Variants in FAM117B observed in about 807,000 individuals in gnomAD.
FAM117B encodes the protein family with sequence similarity 117 member B, also known as protein FAM117B.
FAM117B carries 22 observed loss-of-function variants against 52.8 expected under a neutral mutation model. That is an observed-to-expected ratio of 0.42 (90% CI 0.30 to 0.59). The LOEUF (loss-of-function observed/expected upper bound fraction) is 0.59. FAM117B is among the 20% of genes least tolerant of loss of function. The pLI is 0.22. For missense variants in FAM117B, 678 were observed against 802.6 expected (o/e 0.84, Z 1.88); for synonymous variants, 309 against 324.1 (o/e 0.95, Z 0.50).
chr2:202,738,939 A>G (rs1407491626), intron 4 of FAM117B, among the ~76,000 whole-genome samples: 2 of 152,226 alleles, frequency 1.3e-5, no homozygotes, highest in Non-Finnish European at 2.9e-5. Flanking sequence ...CTGTAATCCC[A>G]GCACTTCGGT....
At chr2:202,668,599 T>A (rs1191869120) in intron 1 of FAM117B, among the ~76,000 whole-genome samples, 1 of 146,310 alleles carries the variant, frequency 6.8e-6, no homozygotes, top group African/African-American at 2.5e-5. Flanking sequence ...TAGCCTGGGC[T>A]ACAGAGTGAG....
chr2:202,638,289 T>G (rs771238337), intron 1 of FAM117B, among the ~76,000 whole-genome samples: 10 of 152,148 alleles, frequency 6.6e-5, no homozygotes, highest in Non-Finnish European at 1.3e-4. Context: ...AAGTGGGCAG[T>G]AGAGGTGGCA....
chr2:202,718,652 T>A (rs1210600639), intron 2 of FAM117B, among the ~76,000 whole-genome samples: 1 of 152,230 alleles, frequency 6.6e-6, no homozygotes, highest in Non-Finnish European at 1.5e-5. Context: ...AAGGAGTAAC[T>A]AATACATTTT....
intron 1 of FAM117B, among the ~76,000 whole-genome samples, chr2:202,684,734 A>G (rs765194183): frequency 2.6e-5 from 4 of 152,168 alleles, no homozygotes; most frequent in Non-Finnish European, 4.4e-5. Context: ...AGTAATATAT[A>G]TTAAATAAGA....
chr2:202,693,672 A>G (rs1690666835), intron 1 of FAM117B, among the ~76,000 whole-genome samples: 1 of 152,202 alleles, frequency 6.6e-6, no homozygotes, highest in Admixed American at 6.5e-5. Context: ...TGCCTTTTAT[A>G]AACATGTGAG....
intron 1 of FAM117B, among the ~76,000 whole-genome samples, chr2:202,668,371 G>GTGAA (rs1690240687): frequency 6.7e-6 from 1 of 148,256 alleles, no homozygotes; most frequent in Non-Finnish European, 1.5e-5. Flanking sequence ...AGAAGGTACA[G>GTGAA]TGAACTCTGA....
chr2:202,706,064 G>A (rs1472686030), intron 2 of FAM117B, among the ~76,000 whole-genome samples: 1 of 152,102 alleles, frequency 6.6e-6, no homozygotes, highest in Non-Finnish European at 1.5e-5. Flanking sequence ...CCAGGCTAGA[G>A]TGTAGTGGCT....
chr2:202,671,941 T>G (rs1400427889), intron 1 of FAM117B, among the ~76,000 whole-genome samples: 5 of 151,834 alleles, frequency 3.3e-5, no homozygotes, highest in African/African-American at 4.8e-5. Flanking sequence ...AATCTAAGAG[T>G]TTTTTTTCTG....
At chr2:202,640,996 A>G (rs1689761935) in intron 1 of FAM117B, among the ~76,000 whole-genome samples, 1 of 152,258 alleles carries the variant, frequency 6.6e-6, no homozygotes, top group African/African-American at 2.4e-5. Flanking sequence ...TGTCTTGGCT[A>G]GTAGAATTTA....
chr2:202,740,988 A>G (rs1349936522), intron 4 of FAM117B, among the ~76,000 whole-genome samples: 1 of 151,806 alleles, frequency 6.6e-6, no homozygotes, highest in Admixed American at 6.5e-5. Context: ...ATCCCATGCT[A>G]TTTAATGGGG....
chr2:202,635,549 G>A lies in FAM117B; in HGVS notation c.362G>A (p.Arg121Gln), dbSNP rs1689668212. ...TQTGASATST[R>Q]GTSPTRSAAP... ...ACGGGCGCGTCCGCGACGTCCACGC[G>A]AGGCACCAGCCCCACGCGCAGCGCC... Residue 121 changes from arginine to glutamine, a missense_variant, in exon 1 of 8, where the codon CGA becomes CAA. By Grantham distance (43) the Arg-to-Gln change is conservative. Around this residue, in one of 3 missense-constraint regions of FAM117B, gnomAD observed 583 missense variants for 644.8 expected, o/e 0.90. Coordinates refer to ENST00000392238, the MANE Select transcript of FAM117B (RefSeq NM_173511.4). 3 of 1,184,820 alleles carry A rather than the reference G, an allele frequency of 2.5e-6. No individual in the cohort carries two copies. The highest frequency in any genetic ancestry group is 3.4e-4 in the Middle Eastern group (1 of 2,966). 73.4% of individuals were successfully genotyped at this position (1,184,820 alleles called of 1,614,324 possible). A position where few individuals can be genotyped will look rare whatever the true frequency, so the allele number is the denominator to read the frequency against.
rs1689982373 is a variant in FAM117B at position 202,653,227 on chromosome 2, C to T, written c.601+17439C>T. Among the ~76,000 whole-genome samples, 3 of 152,168 alleles carry T rather than the reference C, an allele frequency of 2.0e-5. No homozygotes were observed. The South Asian group carries it at 6.2e-4, about 31-fold the overall frequency. On this transcript the variant is annotated intron_variant, in intron 1 of 7. Coordinates refer to ENST00000392238, the MANE Select transcript of FAM117B (RefSeq NM_173511.4). ...AGGATGCAGTGAGCCATGATCATGC[C>T]ACAGCACTCCTGCCTGGGCAACAGA...
At chr2:202,735,677 G>A (rs1299315094) in intron 4 of FAM117B, among the ~76,000 whole-genome samples, 1 of 152,196 alleles carries the variant, frequency 6.6e-6, no homozygotes, top group Non-Finnish European at 1.5e-5. Flanking sequence ...TTGATTGAGT[G>A]TTAGAGTCTG....
chr2:202,718,557 C>T (rs1347089952), intron 2 of FAM117B, among the ~76,000 whole-genome samples: 2 of 151,954 alleles, frequency 1.3e-5, no homozygotes, highest in Admixed American at 6.6e-5. Flanking sequence ...AATGCCACTT[C>T]GTTGTGGTAT....
At position 202,635,603 on chromosome 2, in the gene FAM117B, G is replaced by GGCC. The variant is rs781743179; in HGVS notation, c.434_436dup (p.Pro145dup). Reference sequence around the variant, plus strand: ...CCTGGAGCTCGCGGGAGCCCCCCACGGCCGCCGCCGCCGCCGCCGCTGCTG... The same window carrying GGCC: ...CCTGGAGCTCGCGGGAGCCCCCCACGGCCGCCGCCGCCGCCGCCGCCGCTGCTG... On this transcript the variant is annotated inframe_insertion, in exon 1 of 8. Coordinates refer to ENST00000392238, the MANE Select transcript of FAM117B (RefSeq NM_173511.4). 2.0e-4 allele frequency: 255 copies of GGCC among 1,280,002 alleles called. No individual in the cohort carries two copies. Among genetic ancestry groups the GGCC allele is most frequent in the East Asian group, 1.3e-3 (40 of 30,602 alleles). 79.3% of individuals were successfully genotyped at this position (1,280,002 alleles called of 1,614,324 possible). A position where few individuals can be genotyped will look rare whatever the true frequency, so the allele number is the denominator to read the frequency against.
intron 4 of FAM117B, among the ~76,000 whole-genome samples, chr2:202,730,986 C>CAT (rs774859831): frequency 1.8e-4 from 28 of 152,208 alleles, no homozygotes; most frequent in Middle Eastern, 3.4e-3. Flanking sequence ...ACCCACAAAT[C>CAT]ATATATCTGA....
chr2:202,700,636 C>T (rs1156690813), intron 2 of FAM117B, among the ~76,000 whole-genome samples: 7 of 151,162 alleles, frequency 4.6e-5, no homozygotes, highest in Non-Finnish European at 1.5e-5. Context: ...GTAAGTTATC[C>T]AGAAGATCTA....
chr2:202,670,295 TTTTC>T (rs1690270637), intron 1 of FAM117B, among the ~76,000 whole-genome samples: 1 of 146,604 alleles, frequency 6.8e-6, no homozygotes, highest in African/African-American at 2.8e-5. Context: ...TTTCTTTTTT[TTTTC>T]TTTTTTTTTG....
intron 1 of FAM117B, among the ~76,000 whole-genome samples, chr2:202,665,213 G>A (rs555555005): frequency 4.0e-5 from 6 of 148,710 alleles, no homozygotes; most frequent in Admixed American, 6.8e-5. Context: ...ACAGAGTTTC[G>A]TATGCTGCCC....
Sources: allele counts gnomAD v4.1 joint callset (sites outside exome capture counted in the v4.1 genomes callset), GRCh38; gene constraint gnomAD v4.1.1; regional missense constraint gnomAD v4.1.1; transcripts MANE v1.5; gene names NCBI Gene and HGNC (gene_info 2026-07-23, HGNC 2026-07-21).